HMOX2: variants seen among roughly 807,000 people sequenced by gnomAD.
The protein encoded by HMOX2 is heme oxygenase 2, also known as heme oxygenase (decycling) 2.
HMOX2 carries 30 observed loss-of-function variants against 33.7 expected under a neutral mutation model. The ratio of observed to expected loss-of-function variants is 0.89; its 90% CI spans 0.67 to 1.21. HMOX2 has a LOEUF of 1.21. HMOX2 is among the 50% of genes most tolerant of loss of function. HMOX2 has a pLI of 0.00. For synonymous variants in HMOX2, 155 were observed against 155.0 expected (o/e 1.00, Z 0.00); for missense variants, 403 against 399.1 (o/e 1.01, Z -0.08).
chr16:4,506,853 GA>G (rs745645459), intron 2 of HMOX2, 41 bp from the exon 3 acceptor site: 28 of 1,410,678 alleles, frequency 2.0e-5, no homozygotes, highest in Non-Finnish European at 2.8e-5. Context: ...GGAAAGCTGG[GA>G]AGGGCTAATT....
At chr16:4,480,288 A>T (rs1596439468) in intron 1 of HMOX2, among the ~76,000 whole-genome samples, 2 of 140,812 alleles carry the variant, frequency 1.4e-5, no homozygotes. Flanking sequence ...CCTCAAGCGA[A>T]CCACCCTCCT....
intron 1 of HMOX2, among the ~76,000 whole-genome samples, chr16:4,504,748 G>A (rs868414594): frequency 6.9e-5 from 10 of 144,256 alleles, no homozygotes; most frequent in South Asian, 2.2e-4. Context: ...GGAGTGCAAC[G>A]GCGTGATCTC....
At chr16:4,500,302 C>A (rs1463258787) in intron 1 of HMOX2, among the ~76,000 whole-genome samples, 4 of 152,176 alleles carry the variant, frequency 2.6e-5, no homozygotes, top group Admixed American at 2.6e-4. Flanking sequence ...GCAAGGTGTT[C>A]AGCAGGGAGG....
intron 1 of HMOX2, among the ~76,000 whole-genome samples, chr16:4,495,030 G>T (rs1455882563): frequency 6.6e-6 from 1 of 152,192 alleles, no homozygotes; most frequent in East Asian, 1.9e-4. Context: ...CTCATTCTGA[G>T]AAGTTGTTTA....
chr16:4,507,635 G>C (rs1358186790), intron 3 of HMOX2, 78 bp from the exon 4 acceptor site: 2 of 1,498,244 alleles, frequency 1.3e-6, no homozygotes, highest in African/African-American at 2.8e-5. Context: ...GTTGGGGGTT[G>C]TCACTTGAGC....
At chr16:4,507,046 A>G in intron 3 of HMOX2, 34 bp downstream of exon 3, 1 of 1,408,254 alleles carries the variant, frequency 7.1e-7, no homozygotes, top group Non-Finnish European at 1.0e-6. Flanking sequence ...AGACTGTCAT[A>G]TGGGGTTGGG....
chr16:4,506,208 T>G (rs757763131), intron 2 of HMOX2, among the ~76,000 whole-genome samples: 6 of 152,242 alleles, frequency 3.9e-5, no homozygotes, highest in African/African-American at 1.4e-4. Context: ...CTCTTGTAGA[T>G]GGATTGTGTG....
intron 1 of HMOX2, among the ~76,000 whole-genome samples, chr16:4,501,064 CTAGT>C (rs1282484823): frequency 2.0e-5 from 3 of 152,204 alleles, no homozygotes; most frequent in East Asian, 1.9e-4. Flanking sequence ...CTTCCATTGA[CTAGT>C]TAGTTAATGC....
intron 1 of HMOX2, chr16:4,476,779 G>C (rs1335669876): frequency 6.6e-6 from 1 of 152,276 alleles, no homozygotes; most frequent in South Asian, 2.1e-4. Context: ...AGGCCTGAAT[G>C]GCTCTCTTTG....
At chr16:4,489,760 C>A (rs140359341) in intron 1 of HMOX2, among the ~76,000 whole-genome samples, 2 of 152,062 alleles carry the variant, frequency 1.3e-5, no homozygotes, top group African/African-American at 4.8e-5. Flanking sequence ...CGCCGAGCCT[C>A]ATCCAGCTAA....
At chr16:4,485,127 G>A (rs1325811223) in intron 1 of HMOX2, among the ~76,000 whole-genome samples, 2 of 151,790 alleles carry the variant, frequency 1.3e-5, no homozygotes, top group South Asian at 2.1e-4. Context: ...CACAACCCCC[G>A]GCTAATTTTT....
At chr16:4,482,757 C>T (rs560869941) in intron 1 of HMOX2, among the ~76,000 whole-genome samples, 3 of 152,182 alleles carry the variant, frequency 2.0e-5, no homozygotes, top group Admixed American at 1.3e-4. Flanking sequence ...GCTGGGCGTG[C>T]TGGTTCATGC....
chr16:4,502,222 GC>G (rs765762884), intron 1 of HMOX2, among the ~76,000 whole-genome samples: 1 of 152,072 alleles, frequency 6.6e-6, no homozygotes, highest in South Asian at 2.1e-4. Context: ...ACTGTGCCTG[GC>G]TCCTTTTTGT....
At chr16:4,498,219 C>G (rs577166645) in intron 1 of HMOX2, among the ~76,000 whole-genome samples, 1 of 151,830 alleles carries the variant, frequency 6.6e-6, no homozygotes, top group Non-Finnish European at 1.5e-5. Flanking sequence ...CACACACCAC[C>G]ACACCTGGCT....
At chr16:4,481,034 A>G (rs2058013339) in intron 1 of HMOX2, among the ~76,000 whole-genome samples, 2 of 151,764 alleles carry the variant, frequency 1.3e-5, no homozygotes, top group South Asian at 2.1e-4. Context: ...CTGAGGCTGC[A>G]AGAAGGTACT....
intron 1 of HMOX2, among the ~76,000 whole-genome samples, chr16:4,494,401 C>T (rs1454789085): frequency 6.6e-6 from 1 of 151,898 alleles, no homozygotes; most frequent in African/African-American, 2.4e-5. Context: ...TTTCTCTTCG[C>T]TCCAATCCTG....
chr16:4,504,041 G>T (rs2058626292), intron 1 of HMOX2, among the ~76,000 whole-genome samples: 1 of 152,266 alleles, frequency 6.6e-6, no homozygotes, highest in Non-Finnish European at 1.5e-5. Context: ...AGCCCCGAGG[G>T]ATGGAGGATG....
intron 1 of HMOX2, among the ~76,000 whole-genome samples, chr16:4,484,477 T>TGAA (rs1567381981): frequency 1.4e-5 from 2 of 148,004 alleles, no homozygotes; most frequent in Admixed American, 6.8e-5. Flanking sequence ...TTTTTTTTTT[T>TGAA]TGAGACGGAG....
chr16:4,506,871 C>T (rs1267268338), intron 2 of HMOX2, 24 bp from the exon 3 acceptor site: 6 of 1,541,670 alleles, frequency 3.9e-6, no homozygotes, highest in Non-Finnish European at 5.4e-6. Flanking sequence ...AATTGACACA[C>T]AAACACCTCC....
Sources: gnomAD v4.1 joint callset for allele counts (sites outside exome capture counted in the v4.1 genomes callset) on GRCh38, gnomAD v4.1.1 for gene constraint, MANE v1.5 for transcripts, NCBI Gene and HGNC (gene_info 2026-07-23, HGNC 2026-07-21) for gene names.